The following CDRT15 variants were observed in gnomAD, a reference collection of about 807,000 sequenced individuals.
The protein encoded by CDRT15 is CMT1A duplicated region transcript 15 protein.
A neutral mutation model predicts 14.9 loss-of-function variants in CDRT15; 9 were observed. The ratio of observed to expected loss-of-function variants is 0.60; its 90% CI spans 0.36 to 1.06. The LOEUF (loss-of-function observed/expected upper bound fraction) is 1.06, where lower values mean the gene tolerates loss of function less well. Among genes scored for constraint, CDRT15 ranks in the 50% least tolerant of loss-of-function variants. The pLI, the probability that CDRT15 is intolerant of heterozygous loss-of-function variation, is 0.01. For missense variants in CDRT15, 117 were observed against 235.3 expected (o/e 0.50, Z 3.29); for synonymous variants, 50 against 96.6 (o/e 0.52, Z 2.83).
At chr17:14,236,240 G>C (rs765303184) in intron 2 of CDRT15, 42 bp downstream of exon 2, 206 of 1,603,262 alleles carry the variant, frequency 1.3e-4, no homozygotes, top group Non-Finnish European at 1.7e-4. Flanking sequence ...CTCCAGCCAC[G>C]CTTTCAGTTC....
chr17:14,236,248 T>G (rs4791563), intron 2 of CDRT15, 34 bp downstream of exon 2: 1 of 1,576,674 alleles, frequency 6.3e-7, no homozygotes, highest in Non-Finnish European at 8.7e-7. Flanking sequence ...ACGCTTTCAG[T>G]TCCAGGGTTA....
chr17:14,236,202 C>T, intron 2 of CDRT15, 80 bp downstream of exon 2: 2 of 1,581,154 alleles, frequency 1.3e-6, no homozygotes, highest in Non-Finnish European at 1.7e-6. Flanking sequence ...TGGGGCTGTG[C>T]TGGTCACCCC....
rs903587182 is a variant in CDRT15 at position 14,236,561 on chromosome 17, G to A, written c.262+11C>T. 8 of 1,553,920 alleles carry A rather than the reference G, an allele frequency of 5.1e-6. No individual in the cohort carries two copies. The African/African-American group carries it at 1.1e-4, about 21-fold the overall frequency. On this transcript the variant is annotated intron_variant, in intron 1 of 2. Coordinates refer to ENST00000420162, the MANE Select transcript of CDRT15 (RefSeq NM_001007530.3). Reference sequence around the variant, plus strand: ...CCCCCGCAAAGTCTTCCAGGCTGCAGGCCACCTCACCAAGTGTCTGTGCCT... The same window carrying A: ...CCCCCGCAAAGTCTTCCAGGCTGCAAGCCACCTCACCAAGTGTCTGTGCCT...
In CDRT15 at chr17:14,236,808, G is replaced by T. The variant is rs750187185; in HGVS notation, c.26C>A (p.Ser9Ter). The stretch of plus-strand genomic sequence containing the variant: ...TCCATTCCTGAAGCAGCAACCTCTC[G>T]AAGTGGGGAAGCAACACGAGAACAT... The part of the protein sequence containing the change: MFSCCFPT[S>*]RGCCFRNGGS... The change falls in exon 1 of 3, where the codon TCG (serine) becomes TAG (stop). Residue 9 changes from serine (S) to a stop codon, truncating the protein, a stop_gained. Coordinates refer to ENST00000420162, the MANE Select transcript of CDRT15 (RefSeq NM_001007530.3). LOFTEE classifies it high-confidence loss of function. 1.2e-6 allele frequency: 2 copies of T among 1,611,210 alleles called. No homozygotes were observed. Among genetic ancestry groups the T allele is most frequent in the African/African-American group, 2.7e-5 (2 of 74,846 alleles).
intron 2 of CDRT15, 125 bp downstream of exon 2, chr17:14,236,157 T>C: frequency 1.3e-6 from 2 of 1,508,234 alleles, no homozygotes; most frequent in East Asian, 4.5e-5. Flanking sequence ...TTTGCCACCG[T>C]GCCCAGGACT....
rs146143783 is a variant in CDRT15, at chr17:14,236,850, A to T, written c.-17T>A. The T allele has an allele frequency of 9.9e-4, 1,577 of 1,595,904 alleles. 14 individuals carry two copies. In the African/African-American group the frequency reaches 0.017, roughly 17 times the overall value. On this transcript the variant is annotated 5_prime_UTR_variant, in exon 1 of 3. Coordinates refer to ENST00000420162, the MANE Select transcript of CDRT15 (RefSeq NM_001007530.3). ...CGAGAACATCTTGCTCTCTTGAGCGACTCCCACCAAGTGAGCTGTTTACGG... is the reference window on the plus strand; with the variant it reads ...CGAGAACATCTTGCTCTCTTGAGCGTCTCCCACCAAGTGAGCTGTTTACGG...
intron 2 of CDRT15, 80 bp from the exon 3 acceptor site, chr17:14,236,091 C>G (rs1907374903): frequency 6.7e-7 from 1 of 1,502,978 alleles, no homozygotes; most frequent in African/African-American, 1.3e-5. Context: ...TGAGAGAAGC[C>G]TCTCTCCAGC....
chr17:14,236,006 C>G lies in CDRT15; in HGVS notation c.417G>C (p.Val139=), dbSNP rs758576104. 4 of 1,610,672 alleles carry G rather than the reference C, an allele frequency of 2.5e-6. No homozygotes were observed. The highest frequency in any genetic ancestry group is 1.7e-5 in the Admixed American group (1 of 59,334). Residue 139 remains valine (V), a synonymous_variant, in exon 3 of 3, where the codon GTG becomes GTC. Transcript: ENST00000420162. ...TNEELPEITE[V]PESIKRRLGR... is the part of the protein sequence containing the mutation. ...CCAGCCTTCTTTTAATGCTCTCCGG[C>G]ACCTCCTGCACACAGATAAACCAGG... is the stretch of plus-strand genomic sequence containing the variant.
Position 14,236,802 on chromosome 17 carries a change from C to T in CDRT15, c.32G>A (p.Gly11Asp). The change falls in exon 1 of 3, where the codon GGT becomes GAT. Residue 11 changes from glycine (G) to aspartate (D), a missense_variant. Around this residue, in one of 3 missense-constraint regions of CDRT15, gnomAD observed 50 missense variants for 48.8 expected, o/e 1.03. Coordinates refer to ENST00000420162, the MANE Select transcript of CDRT15 (RefSeq NM_001007530.3). ...ACTCCCTCCATTCCTGAAGCAGCAA[C>T]CTCTCGAAGTGGGGAAGCAACACGA... MFSCCFPTSR[G>D]CCFRNGGSES... 1 of 1,611,314 alleles carries T rather than the reference C, an allele frequency of 6.2e-7. No homozygotes were observed.
In CDRT15 at chr17:14,236,804, T is replaced by C; in HGVS notation, c.30A>G (p.Arg10=). 6.2e-7 allele frequency: 1 copy of C among 1,611,414 alleles called. No individual in the cohort carries two copies. The highest frequency in any genetic ancestry group is 8.5e-7 in the Non-Finnish European group (1 of 1,179,486). MFSCCFPTS[R]GCCFRNGGSE... ...TCCCTCCATTCCTGAAGCAGCAACC[T>C]CTCGAAGTGGGGAAGCAACACGAGA... Residue 10 remains arginine, a synonymous_variant, in exon 1 of 3, where the codon AGA becomes AGG. Transcript: ENST00000420162.
Position 14,236,824 on chromosome 17 carries a change from A to G in CDRT15, c.10T>C (p.Cys4Arg). 6.2e-7 allele frequency: 1 copy of G among 1,609,870 alleles called. No homozygotes were observed. The highest frequency in any genetic ancestry group is 8.5e-7 in the Non-Finnish European group (1 of 1,178,630). Reference protein sequence around the residue: MFSCCFPTSRGCCF... With the variant: MFSRCFPTSRGCCF... ...CAACCTCTCGAAGTGGGGAAGCAACACGAGAACATCTTGCTCTCTTGAGCG... is the reference window on the plus strand; with the variant it reads ...CAACCTCTCGAAGTGGGGAAGCAACGCGAGAACATCTTGCTCTCTTGAGCG... Residue 4 changes from cysteine (C) to arginine (R), a missense_variant, in exon 1 of 3, where the codon TGT becomes CGT. Cys to Arg is a radical substitution (Grantham distance 180). Transcript: ENST00000420162.
At position 14,236,794 on chromosome 17, in the gene CDRT15, A is replaced by T; in HGVS notation, c.40T>A (p.Phe14Ile). The change falls in exon 1 of 3, where the codon TTC becomes ATC. Residue 14 changes from phenylalanine (F) to isoleucine (I), a missense_variant. Coordinates refer to ENST00000420162, the MANE Select transcript of CDRT15 (RefSeq NM_001007530.3). ...AGGCTCTCACTCCCTCCATTCCTGA[A>T]GCAGCAACCTCTCGAAGTGGGGAAG... ...CCFPTSRGCC[F>I]RNGGSESLFR... 6.2e-7 allele frequency: 1 copy of T among 1,611,074 alleles called. No individual in the cohort carries two copies. Among genetic ancestry groups the T allele is most frequent in the Non-Finnish European group, 8.5e-7 (1 of 1,179,306 alleles).
In CDRT15 at chr17:14,236,375, C is replaced by T. The variant is rs150694489; in HGVS notation, c.318G>A (p.Glu106=). 9.2e-3 allele frequency: 14,706 copies of T among 1,597,470 alleles called. No homozygotes were observed. Among genetic ancestry groups the T allele is most frequent in the Middle Eastern group, 0.014 (71 of 4,934 alleles). The stretch of plus-strand genomic sequence containing the variant: ...CTGGAGGGGCCTCTTCCCATGCTGG[C>T]TCTGGCTCCGCCGCTGGTGCTGGCA... The part of the protein sequence containing the change: ...RALPAPAAEP[E]PAWEEAPPER... The change falls in exon 2 of 3, where the codon GAG becomes GAA. Residue 106 remains glutamate, a synonymous_variant. Transcript: ENST00000420162.
chr17:14,236,762 T>G lies in CDRT15; in HGVS notation c.72A>C (p.Arg24=). Residue 24 remains arginine, a synonymous_variant, in exon 1 of 3, where the codon CGA becomes CGC. Transcript: ENST00000420162. ...FRNGGSESLF[R]RCRRRLIPHP... The stretch of plus-strand genomic sequence containing the variant: ...GAGGGATGAGCCTTCTTCGGCATCG[T>G]CGGAAAAGGCTCTCACTCCCTCCAT... The G allele has an allele frequency of 2.5e-6, 4 of 1,611,980 alleles. No individual in the cohort carries two copies. The highest frequency in any genetic ancestry group is 3.4e-6 in the Non-Finnish European group (4 of 1,179,804).
intron 2 of CDRT15, 49 bp downstream of exon 2, chr17:14,236,233 C>T (rs1907381805): frequency 6.2e-7 from 1 of 1,600,452 alleles, no homozygotes; most frequent in Non-Finnish European, 8.5e-7. Context: ...CTTCTCTCTC[C>T]AGCCACGCTT....
chr17:14,236,523 C>A (rs1419073841), intron 1 of CDRT15, 49 bp downstream of exon 1: 6 of 1,567,062 alleles, frequency 3.8e-6, no homozygotes, highest in Non-Finnish European at 4.3e-6. Context: ...GGAATTCCAG[C>A]CCAAAATCAC....
chr17:14,236,741 G>A lies in CDRT15; in HGVS notation c.93C>T (p.Ile31=), dbSNP rs771500524. The change falls in exon 1 of 3, where the codon ATC becomes ATT. Residue 31 remains isoleucine (I), a synonymous_variant. Coordinates refer to ENST00000420162, the MANE Select transcript of CDRT15 (RefSeq NM_001007530.3). The stretch of plus-strand genomic sequence containing the variant: ...CGGGCGACAGGCGTCTGGGGTGAGG[G>A]ATGAGCCTTCTTCGGCATCGTCGGA... ...SLFRRCRRRL[I]PHPRRLSPVV... 2 of 1,612,032 alleles carry A rather than the reference G, an allele frequency of 1.2e-6. No individual in the cohort carries two copies. Among genetic ancestry groups the A allele is most frequent in the Non-Finnish European group, 1.7e-6 (2 of 1,179,792 alleles).
chr17:14,236,772 C>T lies in CDRT15; in HGVS notation c.62G>A (p.Ser21Asn), dbSNP rs779455510. 6.8e-6 allele frequency: 11 copies of T among 1,611,122 alleles called. No homozygotes were observed. The Admixed American group carries it at 1.8e-4, about 27-fold the overall frequency. Residue 21 changes from serine to asparagine, a missense_variant, in exon 1 of 3, where the codon AGC (serine) becomes AAC (asparagine). Coordinates refer to ENST00000420162, the MANE Select transcript of CDRT15 (RefSeq NM_001007530.3). ...GCCFRNGGSE[S>N]LFRRCRRRLI... ...CCTTCTTCGGCATCGTCGGAAAAGG[C>T]TCTCACTCCCTCCATTCCTGAAGCA...
chr17:14,236,076 G>T, intron 2 of CDRT15, 65 bp from the exon 3 acceptor site: 2 of 1,561,634 alleles, frequency 1.3e-6, no homozygotes, highest in Non-Finnish European at 1.7e-6. Flanking sequence ...TGTGGTTCTA[G>T]TGAATGAGAG....
Sources: gnomAD v4.1 joint callset for allele counts on GRCh38, gnomAD v4.1.1 for gene constraint, gnomAD v4.1.1 regional missense constraint, MANE v1.5 for transcripts, NCBI Gene and HGNC (gene_info 2026-07-23, HGNC 2026-07-21) for gene names.